MAF: variants seen among roughly 807,000 people sequenced by gnomAD.
MAF encodes MAF bZIP transcription factor.
MAF carries 10 observed loss-of-function variants against 22.0 expected under a neutral mutation model. The observed-to-expected ratio is 0.45, with a 90% CI of 0.28 to 0.77. MAF has a LOEUF of 0.77. MAF is among the 30% of genes least tolerant of loss of function. The pLI, the probability that MAF is intolerant of heterozygous loss-of-function variation, is 0.12. For missense variants in MAF, 544 were observed against 548.4 expected, an observed-to-expected ratio of 0.99 and a Z score of 0.08; for synonymous variants, 337 against 255.8, an observed-to-expected ratio of 1.32 and a Z score of -3.03.
the MAF span, among the ~76,000 whole-genome samples, chr16:79,400,291 G>A: frequency 5.9e-5 from 9 of 152,202 alleles, no homozygotes; most frequent in African/African-American, 1.9e-4. Context: ...GTAAGGATCC[G>A]AGATCAACCA....
the MAF span, among the ~76,000 whole-genome samples, chr16:79,546,304 T>A: frequency 6.6e-6 from 1 of 152,162 alleles, no homozygotes; most frequent in Non-Finnish European, 1.5e-5. Flanking sequence ...GAGAATTTTT[T>A]TTTTTCAGAG....
At chr16:79,434,599 GTATACA>G in the MAF span, among the ~76,000 whole-genome samples, 1 of 151,502 alleles carries the variant, frequency 6.6e-6, no homozygotes, top group Non-Finnish European at 1.5e-5. Context: ...GTTGTTAAAA[GTATACA>G]TATACTTTTA....
chr16:79,289,267 T>C, the MAF span, among the ~76,000 whole-genome samples: 4 of 151,862 alleles, frequency 2.6e-5, no homozygotes, highest in Non-Finnish European at 4.4e-5. Flanking sequence ...AAGGAGGTGA[T>C]GGAAGACTGG....
chr16:79,555,701 A>G, the MAF span, among the ~76,000 whole-genome samples: 2 of 152,212 alleles, frequency 1.3e-5, no homozygotes, highest in Admixed American at 6.5e-5. Flanking sequence ...CAGATTAGGG[A>G]TACTCAGTCA....
chr16:79,249,864 T>C, the MAF span, among the ~76,000 whole-genome samples: 1 of 152,244 alleles, frequency 6.6e-6, no homozygotes, highest in African/African-American at 2.4e-5. Context: ...ATTCCTTGAG[T>C]CTGTAACATA....
the MAF span, among the ~76,000 whole-genome samples, chr16:79,451,720 C>G: frequency 5.3e-5 from 8 of 152,028 alleles, no homozygotes; most frequent in East Asian, 1.5e-3. Context: ...ACCCAAACAA[C>G]ACAGGAGGAA....
At chr16:79,351,561 A>C in the MAF span, among the ~76,000 whole-genome samples, 1 of 152,134 alleles carries the variant, frequency 6.6e-6, no homozygotes, top group Non-Finnish European at 1.5e-5. Context: ...TCAGAGTCAC[A>C]GAGACCCAGA....
At chr16:79,212,334 C>T in the MAF span, 1 of 719,760 alleles carries the variant, frequency 1.4e-6, no homozygotes, top group Non-Finnish European at 2.2e-6. Context: ...TTGTCCCAGC[C>T]AGTGAGGATG....
chr16:79,252,684 T>G, the MAF span, among the ~76,000 whole-genome samples: 29 of 152,136 alleles, frequency 1.9e-4, no homozygotes, highest in Non-Finnish European at 3.7e-4. Flanking sequence ...GAGACAGGGT[T>G]TCACCATGTT....
chr16:79,415,645 G>A, the MAF span, among the ~76,000 whole-genome samples: 1 of 151,812 alleles, frequency 6.6e-6, no homozygotes, highest in Non-Finnish European at 1.5e-5. Context: ...TTGCCTCGGG[G>A]CCACTGACAG....
chr16:79,434,774 AT>A, the MAF span, among the ~76,000 whole-genome samples: 1 of 152,134 alleles, frequency 6.6e-6, no homozygotes, highest in South Asian at 2.1e-4. Context: ...TAAATATTAC[AT>A]TTTAAAAGAT....
chr16:79,437,925 T>C, the MAF span, among the ~76,000 whole-genome samples: 7 of 152,156 alleles, frequency 4.6e-5, no homozygotes, highest in Non-Finnish European at 1.0e-4. Flanking sequence ...TTTCCGCCTC[T>C]GCAGGGGCTG....
At chr16:79,343,624 T>C in the MAF span, among the ~76,000 whole-genome samples, 1 of 152,214 alleles carries the variant, frequency 6.6e-6, no homozygotes, top group Non-Finnish European at 1.5e-5. Context: ...AAAGTGATTG[T>C]CGTGAATGCA....
At chr16:79,478,844 C>T in the MAF span, among the ~76,000 whole-genome samples, 386 of 151,864 alleles carry the variant, frequency 2.5e-3, 2 homozygotes, top group African/African-American at 8.8e-3. Context: ...TCATGGGACA[C>T]CTTTGCACCA....
the MAF span, among the ~76,000 whole-genome samples, chr16:79,382,323 C>A: frequency 6.6e-6 from 1 of 152,124 alleles, no homozygotes; most frequent in South Asian, 2.1e-4. Flanking sequence ...CTCCTTTGAC[C>A]GATTTAATGG....
At chr16:79,389,188 T>A in the MAF span, among the ~76,000 whole-genome samples, 1 of 152,168 alleles carries the variant, frequency 6.6e-6, no homozygotes, top group African/African-American at 2.4e-5. Flanking sequence ...CCCACTCAAC[T>A]CCTTCCCCAC....
At chr16:79,216,703 T>C in the MAF span, among the ~76,000 whole-genome samples, 170 of 152,298 alleles carry the variant, frequency 1.1e-3, no homozygotes, top group Middle Eastern at 6.8e-3. Flanking sequence ...TTCAACTTAC[T>C]ATGGGTTTAG....
the MAF span, among the ~76,000 whole-genome samples, chr16:79,360,044 G>T: frequency 6.6e-6 from 1 of 152,136 alleles, no homozygotes; most frequent in African/African-American, 2.4e-5. Context: ...GGGTGGGGTG[G>T]CTTTCAGGTT....
chr16:79,409,490 C>G, the MAF span, among the ~76,000 whole-genome samples: 9 of 152,196 alleles, frequency 5.9e-5, no homozygotes, highest in Non-Finnish European at 7.3e-5. Context: ...TGCTCGATAG[C>G]TTGGGTCCAG....
Sources: gnomAD v4.1 joint callset for allele counts (sites outside exome capture counted in the v4.1 genomes callset) on GRCh38, gnomAD v4.1.1 for gene constraint, MANE v1.5 for transcripts, NCBI Gene and HGNC (gene_info 2026-07-23, HGNC 2026-07-21) for gene names.